The following GAS7 variants were observed in gnomAD, a reference collection of about 807,000 sequenced individuals.
The protein encoded by GAS7 is growth arrest-specific protein 7.
GAS7 carries 28 observed loss-of-function variants against 71.1 expected under a neutral mutation model. The observed-to-expected ratio is 0.39, with a 90% confidence interval of 0.29 to 0.54. The LOEUF (loss-of-function observed/expected upper bound fraction) is 0.54, where lower values mean the gene tolerates loss of function less well. GAS7 is among the 20% of genes least tolerant of loss of function. GAS7 has a pLI of 0.62. For missense variants in GAS7, 436 were observed against 627.8 expected (o/e 0.69, Z 3.27); for synonymous variants, 258 against 245.8 (o/e 1.05, Z -0.46).
At chr17:10,062,750 G>A (rs1307973434) in intron 1 of GAS7, among the ~76,000 whole-genome samples, 2 of 152,192 alleles carry the variant, frequency 1.3e-5, no homozygotes, top group Non-Finnish European at 2.9e-5. Flanking sequence ...GCAAATCAGG[G>A]CTGCTCACAT....
At chr17:10,105,929 TG>T (rs2073752170) in intron 1 of GAS7, among the ~76,000 whole-genome samples, 1 of 152,174 alleles carries the variant, frequency 6.6e-6, no homozygotes. Flanking sequence ...TGCCAGACCT[TG>T]CCATGTTCGT....
At chr17:10,038,073 C>T (rs1413828909) in intron 1 of GAS7, among the ~76,000 whole-genome samples, 2 of 151,664 alleles carry the variant, frequency 1.3e-5, no homozygotes, top group East Asian at 3.9e-4. Context: ...AAAAACCAGA[C>T]AAGGCCAGGC....
intron 1 of GAS7, among the ~76,000 whole-genome samples, chr17:10,025,737 C>T (rs534985800): frequency 7.2e-5 from 11 of 152,292 alleles, no homozygotes; most frequent in African/African-American, 2.6e-4. Context: ...TGGGGCCTGA[C>T]TCAATCTCCA....
Position 10,102,353 on chromosome 17 carries a change from T to G in GAS7, c.184-82456A>C, listed in dbSNP as rs115215307. Among the ~76,000 whole-genome samples the G allele has an allele frequency of 2.6e-3, 392 of 152,146 alleles. 4 individuals carry two copies. Among genetic ancestry groups the G allele is most frequent in the African/African-American group, 9.1e-3 (377 of 41,496 alleles). On this transcript the variant is annotated intron_variant, in intron 1 of 13. Coordinates refer to ENST00000432992, the MANE Select transcript of GAS7 (RefSeq NM_201433.2). ...TTAAGGGTAATTTGTACAAAGAGTC[T>G]GGAATTTTCAAGGAGAACTAATTCC...
At chr17:10,124,417 AACCCAGACATCCTAGGC>A (rs2073928850) in intron 1 of GAS7, among the ~76,000 whole-genome samples, 1 of 152,014 alleles carries the variant, frequency 6.6e-6, no homozygotes, top group South Asian at 2.1e-4. Context: ...CGAAGGAAGG[AACCCAGACATCCTAGGC>A]ACCCCACACA....
chr17:9,929,720 G>A (rs964930001), intron 9 of GAS7, among the ~76,000 whole-genome samples: 48 of 152,040 alleles, frequency 3.2e-4, no homozygotes, highest in South Asian at 2.1e-4. Context: ...CTCATGATCC[G>A]CCCGCCTCGG....
At chr17:10,151,445 G>C (rs530139056) in intron 1 of GAS7, among the ~76,000 whole-genome samples, 1 of 151,662 alleles carries the variant, frequency 6.6e-6, no homozygotes, top group Admixed American at 6.6e-5. Context: ...CATTTTTCTT[G>C]GTGATATTTT....
intron 2 of GAS7, among the ~76,000 whole-genome samples, chr17:9,992,747 C>T: frequency 7.5e-6 from 1 of 133,980 alleles, no homozygotes; most frequent in Non-Finnish European, 1.6e-5. Flanking sequence ...AATGCTATCC[C>T]TCCCCCCTCC....
At chr17:10,079,916 A>G (rs2073439453) in intron 1 of GAS7, among the ~76,000 whole-genome samples, 1 of 152,244 alleles carries the variant, frequency 6.6e-6, no homozygotes, top group Non-Finnish European at 1.5e-5. Flanking sequence ...AAATATAACT[A>G]AAGAGTAAAA....
chr17:10,120,873 C>G (rs2073899430), intron 1 of GAS7, among the ~76,000 whole-genome samples: 1 of 152,214 alleles, frequency 6.6e-6, no homozygotes. Flanking sequence ...GCTACGGCAG[C>G]TGCCCCCACC....
chr17:10,001,088 C>T (rs1399963377), intron 2 of GAS7, among the ~76,000 whole-genome samples: 1 of 152,168 alleles, frequency 6.6e-6, no homozygotes, highest in Non-Finnish European at 1.5e-5. Flanking sequence ...CTGGAACAAA[C>T]CCCTGATGGC....
intron 1 of GAS7, among the ~76,000 whole-genome samples, chr17:10,125,478 T>C (rs1352689436): frequency 1.4e-5 from 2 of 146,318 alleles, no homozygotes; most frequent in South Asian, 2.1e-4. Flanking sequence ...GATGGTGCCA[T>C]TGCACTCTTG....
At chr17:10,077,176 T>A (rs2073404177) in intron 1 of GAS7, among the ~76,000 whole-genome samples, 1 of 152,212 alleles carries the variant, frequency 6.6e-6, no homozygotes, top group African/African-American at 2.4e-5. Context: ...AAGAGCCCGT[T>A]AAGAGCTAAC....
At chr17:9,998,416 G>A (rs147875267) in intron 2 of GAS7, among the ~76,000 whole-genome samples, 2 of 152,302 alleles carry the variant, frequency 1.3e-5, no homozygotes, top group East Asian at 3.9e-4. Flanking sequence ...CCTCTTCCAC[G>A]ATGAGTGGCC....
intron 1 of GAS7, among the ~76,000 whole-genome samples, chr17:10,136,910 C>T (rs550714622): frequency 6.7e-6 from 1 of 148,922 alleles, no homozygotes; most frequent in Non-Finnish European, 1.5e-5. Context: ...TCACCTGAGT[C>T]TAGAAGTTCA....
intron 9 of GAS7, among the ~76,000 whole-genome samples, chr17:9,930,781 T>C (rs3786114): frequency 0.033 from 4,991 of 152,330 alleles, 224 homozygotes; most frequent in Admixed American, 0.08. Context: ...GGCAGTCAAA[T>C]ACATCCTTGG....
rs771463978 is a variant in GAS7, at chr17:9,943,200, C to A, written c.652G>T (p.Ala218Ser). ...TTCTGGAGCAGTAGTTCAAACCCAGCCACGGTGCCGTTGCCTTGGGGGTCC... is the reference window on the plus strand; with the variant it reads ...TTCTGGAGCAGTAGTTCAAACCCAGACACGGTGCCGTTGCCTTGGGGGTCC... ...KKDPQGNGTV[A>S]GFELLLQKQL... Residue 218 changes from alanine (A) to serine (S), a missense_variant, in exon 7 of 14, where the codon GCT becomes TCT. Transcript: ENST00000432992. The A allele has an allele frequency of 7.4e-6, 12 of 1,613,128 alleles. No homozygotes were observed. The highest frequency in any genetic ancestry group is 8.5e-7 in the Non-Finnish European group (1 of 1,179,050).
chr17:9,984,519 C>G (rs543498455), intron 2 of GAS7, among the ~76,000 whole-genome samples: 1 of 152,270 alleles, frequency 6.6e-6, no homozygotes, highest in South Asian at 2.1e-4. Context: ...GAGAGGCTGC[C>G]AGCAGGCTTA....
chr17:9,962,979 C>T (rs1037051231), intron 4 of GAS7, among the ~76,000 whole-genome samples: 9 of 149,234 alleles, frequency 6.0e-5, no homozygotes, highest in African/African-American at 2.2e-4. Flanking sequence ...AGACCAAGAA[C>T]GCAGGTTATT....
Sources: allele counts gnomAD v4.1 joint callset (sites outside exome capture counted in the v4.1 genomes callset), GRCh38; gene constraint gnomAD v4.1.1; transcripts MANE v1.5; gene names NCBI Gene and HGNC (gene_info 2026-07-23, HGNC 2026-07-21).